Variants in SYN3 observed in about 807,000 individuals in gnomAD.
The protein encoded by SYN3 is synapsin-3.
In SYN3, 35 loss-of-function variants were observed where a neutral mutation model predicts 65.8. The ratio of observed to expected loss-of-function variants is 0.53; its 90% CI spans 0.41 to 0.70. SYN3 has a LOEUF of 0.70. SYN3 is among the 30% of genes least tolerant of loss of function. SYN3 has a pLI of 0.00. For missense variants in SYN3, 680 were observed against 749.0 expected, an observed-to-expected ratio of 0.91 and a Z score of 1.08; for synonymous variants, 270 against 292.9, an observed-to-expected ratio of 0.92 and a Z score of 0.80.
chr22:33,004,943 T>A (rs1200170204), intron 2 of SYN3, among the ~76,000 whole-genome samples: 1 of 151,956 alleles, frequency 6.6e-6, no homozygotes, highest in East Asian at 1.9e-4. Context: ...GGAGGTAATT[T>A]GAATCCTGGG....
At chr22:32,707,917 C>T (rs2147230909) in intron 6 of SYN3, among the ~76,000 whole-genome samples, 1 of 152,270 alleles carries the variant, frequency 6.6e-6, no homozygotes, top group East Asian at 1.9e-4. Flanking sequence ...CTTCATAGGG[C>T]CAGTGTAAGA....
chr22:32,969,181 G>A lies in SYN3; in HGVS notation c.369+11464C>T, dbSNP rs115841647. ...CAGTGCAAGAGGATGGACTCCCTTT[G>A]ACTCCCATGCCTCCTTCCTTCTCAT... On this transcript the variant is annotated intron_variant, in intron 3 of 13. Coordinates refer to ENST00000358763, the MANE Select transcript of SYN3 (RefSeq NM_003490.4). 3.6e-3 allele frequency among the ~76,000 whole-genome samples: 552 copies of A among 152,302 alleles called. 3 individuals are homozygous for A. The highest frequency in any genetic ancestry group is 0.013 in the African/African-American group (527 of 41,584).
At chr22:32,936,074 T>C (rs1482444012) in intron 3 of SYN3, among the ~76,000 whole-genome samples, 1 of 152,204 alleles carries the variant, frequency 6.6e-6, no homozygotes, top group East Asian at 1.9e-4. Flanking sequence ...CAAACTGGTG[T>C]ACCCTGAAAA....
At chr22:32,931,600 G>C (rs2050636673) in intron 3 of SYN3, 119 bp from the exon 4 acceptor site, 1 of 661,018 alleles carries the variant, frequency 1.5e-6, no homozygotes, top group Non-Finnish European at 2.7e-6. Flanking sequence ...CTCAAACTTA[G>C]GAAGTTGCCG....
At chr22:32,739,205 C>T (rs1374088193) in intron 6 of SYN3, among the ~76,000 whole-genome samples, 7 of 151,730 alleles carry the variant, frequency 4.6e-5, no homozygotes, top group South Asian at 2.1e-4. Context: ...ATACTGTTCT[C>T]GTGATAGTAA....
chr22:32,829,585 G>T (rs978235315), intron 6 of SYN3, among the ~76,000 whole-genome samples: 2 of 152,232 alleles, frequency 1.3e-5, no homozygotes, highest in Non-Finnish European at 2.9e-5. Flanking sequence ...ATTTTCATCA[G>T]ACCTTAATTG....
At chr22:32,588,822 G>A (rs1316765384) in intron 7 of SYN3, among the ~76,000 whole-genome samples, 1 of 152,162 alleles carries the variant, frequency 6.6e-6, no homozygotes, top group Non-Finnish European at 1.5e-5. Flanking sequence ...AAACGCTGAG[G>A]TGGGAGGCAG....
chr22:32,561,397 C>A lies in SYN3; in HGVS notation c.775-19684G>T, dbSNP rs186778291. Among the ~76,000 whole-genome samples the A allele has an allele frequency of 6.8e-3, 1,032 of 152,280 alleles. 8 individuals carry two copies. The highest frequency in any genetic ancestry group is 7.4e-3 in the Non-Finnish European group (506 of 68,028). The stretch of plus-strand genomic sequence containing the variant: ...GATACAGGGTAGGTGCCTTCACTGG[C>A]TTCTGGCTGCCCAAACCTGCTTGGC... On this transcript the variant is annotated intron_variant, in intron 7 of 13. Coordinates refer to ENST00000358763, the MANE Select transcript of SYN3 (RefSeq NM_003490.4).
intron 6 of SYN3, among the ~76,000 whole-genome samples, chr22:32,831,444 G>A (rs1480062167): frequency 6.6e-6 from 1 of 152,160 alleles, no homozygotes; most frequent in Non-Finnish European, 1.5e-5. Context: ...CAGATGATCA[G>A]GGCAGCGGGG....
intron 6 of SYN3, among the ~76,000 whole-genome samples, chr22:32,807,361 T>TAAATATATAATATATA (rs5845034): frequency 4.5e-5 from 5 of 110,946 alleles, no homozygotes; most frequent in East Asian, 2.2e-4. Context: ...ATATAATATA[T>TAAATATATAATATATA]AATATATATT....
At chr22:32,667,521 G>C (rs1271121657) in intron 6 of SYN3, among the ~76,000 whole-genome samples, 1 of 152,122 alleles carries the variant, frequency 6.6e-6, no homozygotes, top group Non-Finnish European at 1.5e-5. Context: ...CCGTCTTTGC[G>C]CACTTGCTTA....
chr22:32,824,102 C>A (rs1322897201), intron 6 of SYN3, among the ~76,000 whole-genome samples: 1 of 151,870 alleles, frequency 6.6e-6, no homozygotes, highest in Non-Finnish European at 1.5e-5. Flanking sequence ...CACGGTGAAA[C>A]CCCATCTCTA....
Position 32,913,185 on chromosome 22 carries a change from G to A in SYN3, c.461+18205C>T, listed in dbSNP as rs148187988. ...TTAATTTTTTTTTTTTTTTGAGATG[G>A]AGTCTCGCTCTGTCGCCCAGGCTGG... On this transcript the variant is annotated intron_variant, in intron 4 of 13. Transcript: ENST00000358763. 2.6e-3 allele frequency among the ~76,000 whole-genome samples: 390 copies of A among 150,620 alleles called. 4 individuals are homozygous for A. The highest frequency in any genetic ancestry group is 0.013 in the East Asian group (65 of 5,144).
At chr22:32,600,696 T>G (rs1312706150) in intron 6 of SYN3, among the ~76,000 whole-genome samples, 4 of 147,368 alleles carry the variant, frequency 2.7e-5, no homozygotes, top group Admixed American at 2.0e-4. Context: ...TAATATGATT[T>G]TTTTTTTTTG....
chr22:33,057,874 G>C (rs1417988196), intron 1 of SYN3: 1 of 152,330 alleles, frequency 6.6e-6, no homozygotes, highest in Non-Finnish European at 1.5e-5. Context: ...CAGGTCATGA[G>C]GGGTCTGGGG....
intron 4 of SYN3, among the ~76,000 whole-genome samples, chr22:32,886,931 C>T (rs781436318): frequency 2.6e-5 from 4 of 152,242 alleles, no homozygotes; most frequent in Non-Finnish European, 5.9e-5. Flanking sequence ...GCTTCTCCCC[C>T]GGAGGGGGTG....
chr22:32,776,521 C>T (rs79122376), intron 6 of SYN3, among the ~76,000 whole-genome samples: 2,822 of 152,282 alleles, frequency 0.019, 47 homozygotes, highest in Middle Eastern at 0.051. Context: ...AGTGATGTAG[C>T]TTGCCTAAGG....
chr22:33,043,437 A>G (rs1351985964), intron 1 of SYN3, among the ~76,000 whole-genome samples: 1 of 152,204 alleles, frequency 6.6e-6, no homozygotes, highest in Non-Finnish European at 1.5e-5. Context: ...AATCCCAGCT[A>G]CTGAGGAGGC....
rs2049087461 is a variant in SYN3 at position 32,880,088 on chromosome 22, G to A, written c.462-10963C>T. Among the ~76,000 whole-genome samples the A allele has an allele frequency of 2.0e-5, 3 of 151,716 alleles. No homozygotes were observed. The South Asian group carries it at 6.4e-4, about 32-fold the overall frequency. ...AGGTTTTTGACTCCCACCTCCCACT[G>A]TAGCTGTGCATCTGAGCTCCCCTGT... On this transcript the variant is annotated intron_variant, in intron 4 of 13. Transcript: ENST00000358763.
Sources: allele counts gnomAD v4.1 joint callset (sites outside exome capture counted in the v4.1 genomes callset), GRCh38; gene constraint gnomAD v4.1.1; transcripts MANE v1.5; gene names NCBI Gene and HGNC (gene_info 2026-07-23, HGNC 2026-07-21).